MYO16: variants seen among roughly 807,000 people sequenced by gnomAD.
The protein encoded by MYO16 is myosin XVI.
MYO16 carries 94 observed loss-of-function variants against 205.3 expected under a neutral mutation model. That is an observed-to-expected ratio of 0.46 (90% CI 0.39 to 0.54). MYO16 has a LOEUF of 0.54. MYO16 is among the 20% of genes least tolerant of loss of function. The pLI is 0.00. For synonymous variants in MYO16, 988 were observed against 954.0 expected (o/e 1.04, Z -0.66); for missense variants, 2,315 against 2,387.5 (o/e 0.97, Z 0.63).
intron 15 of MYO16, 47 bp downstream of exon 15, chr13:108,898,180 T>C (rs1294108214): frequency 7.0e-7 from 1 of 1,434,768 alleles, no homozygotes. Flanking sequence ...CGAGCCAGCA[T>C]GCGACCACGT....
intron 27 of MYO16, among the ~76,000 whole-genome samples, chr13:109,091,829 C>A (rs535507805): frequency 9.2e-5 from 14 of 152,266 alleles, no homozygotes; most frequent in African/African-American, 2.6e-4. Context: ...TAATGGTTCT[C>A]CCCAAATATT....
At position 109,140,412 on chromosome 13, in the gene MYO16, C is replaced by T. The variant is rs765699567; in HGVS notation, c.4200C>T (p.Gly1400=). ...GGCCCGGGGACGCGAGGCCCGCGGG[C>T]GCCCCGGGGGCAGCAGCGCGCGTTC... ...GSRPGDARPA[G]APGAAARVLT... is the part of the protein sequence containing the mutation. The change falls in exon 32 of 35, where the codon GGC becomes GGT. Residue 1400 remains glycine, a synonymous_variant. Coordinates refer to ENST00000457511, the MANE Select transcript of MYO16 (RefSeq NM_001198950.3). This position sits in a 1 kb window ranked among gnomAD's most constrained non-coding sequence, Gnocchi z 8.0. The T allele has an allele frequency of 6.3e-7, 1 of 1,580,058 alleles. No individual in the cohort carries two copies. Among genetic ancestry groups the T allele is most frequent in the South Asian group, 1.1e-5 (1 of 89,640 alleles).
rs1434134536 is a variant in MYO16 at position 109,140,951 on chromosome 13, T to C, written c.4739T>C (p.Leu1580Pro). 13 of 1,526,424 alleles carry C rather than the reference T, an allele frequency of 8.5e-6. No homozygotes were observed. The highest frequency in any genetic ancestry group is 1.1e-5 in the Non-Finnish European group (13 of 1,138,492). The allele number at this position is 1,526,424 out of a possible 1,614,324, so 94.6% of individuals were successfully genotyped here. ...GGCGACAGGCCCGCGTCCCCCGGCC[T>C]GGCGCTGTTCAACGGGTCCGGCCGA... is the stretch of plus-strand genomic sequence containing the variant. ...GDGDRPASPG[L>P]ALFNGSGRAS... Residue 1580 changes from leucine (L) to proline (P), a missense_variant, in exon 32 of 35, where the codon CTG becomes CCG. Around this residue, in one of 3 missense-constraint regions of MYO16, gnomAD observed 1,097 missense variants for 1,092.0 expected, o/e 1.00. Coordinates refer to ENST00000457511, the MANE Select transcript of MYO16 (RefSeq NM_001198950.3). This position sits in a 1 kb window ranked among gnomAD's most constrained non-coding sequence, Gnocchi z 8.0.
chr13:108,808,532 C>T lies in MYO16; in HGVS notation c.867+1728C>T, dbSNP rs535838786. The stretch of plus-strand genomic sequence containing the variant: ...TTCGCTATGTTGCCCAGGCTGGTCT[C>T]GAACTCCTGACCTCAGGTGATCCAC... On this transcript the variant is annotated intron_variant, in intron 7 of 34. Coordinates refer to ENST00000457511, the MANE Select transcript of MYO16 (RefSeq NM_001198950.3). Among the ~76,000 whole-genome samples, 33 of 151,982 alleles carry T rather than the reference C, an allele frequency of 2.2e-4. 2 individuals are homozygous for T. In the South Asian group the frequency reaches 6.7e-3, roughly 31 times the overall value.
intron 21 of MYO16, among the ~76,000 whole-genome samples, chr13:109,004,372 G>A (rs1247599165): frequency 2.0e-5 from 3 of 151,962 alleles, no homozygotes; most frequent in Non-Finnish European, 4.4e-5. Flanking sequence ...TTTAATAATT[G>A]TATAGCATTT....
chr13:109,114,949 T>C (rs1336571379), intron 28 of MYO16, among the ~76,000 whole-genome samples: 1 of 152,170 alleles, frequency 6.6e-6, no homozygotes, highest in Non-Finnish European at 1.5e-5. Context: ...TTTTCTAAAC[T>C]ACCAATATGT....
rs751330823 is a variant in MYO16 at position 109,055,564 on chromosome 13, G to A, written c.3304G>A (p.Val1102Ile). The A allele has an allele frequency of 6.2e-7, 1 of 1,612,194 alleles. No individual in the cohort carries two copies. The highest frequency in any genetic ancestry group is 1.7e-5 in the Admixed American group (1 of 59,908). The change falls in exon 27 of 35, where the codon GTT becomes ATT. Residue 1102 changes from valine (V) to isoleucine (I), a missense_variant. By Grantham distance (29) the Val-to-Ile change is conservative. Transcript: ENST00000457511. This position sits in a 1 kb window ranked among gnomAD's most constrained non-coding sequence, Gnocchi z 5.0. ...GAAGATCTTCCGATATGGATACCCT[G>A]TTCGCCTTTCCTTCTCGGATTTCCT... The part of the protein sequence containing the change: ...MVKIFRYGYP[V>I]RLSFSDFLSR...
chr13:108,713,399 A>G (rs894366958), intron 3 of MYO16, among the ~76,000 whole-genome samples: 8 of 152,232 alleles, frequency 5.3e-5, no homozygotes, highest in Non-Finnish European at 8.8e-5. Flanking sequence ...AAGTAATGCT[A>G]TATTTCTTCA....
chr13:109,053,088 T>C (rs1887299915), intron 25 of MYO16, among the ~76,000 whole-genome samples: 1 of 152,122 alleles, frequency 6.6e-6, no homozygotes. Context: ...ATGGAATGTT[T>C]TAGGTTTCTT....
At chr13:108,958,334 G>T (rs1039082913) in intron 17 of MYO16, among the ~76,000 whole-genome samples, 2 of 151,122 alleles carry the variant, frequency 1.3e-5, no homozygotes, top group African/African-American at 4.8e-5. Flanking sequence ...TGGTAAACCT[G>T]AAGTAACTGT....
intron 31 of MYO16, among the ~76,000 whole-genome samples, chr13:109,136,786 C>T (rs1594115494): frequency 1.3e-5 from 2 of 152,300 alleles, no homozygotes; most frequent in East Asian, 3.9e-4. Flanking sequence ...TTCAAAGCTC[C>T]TCCCATGTCC....
At chr13:108,651,887 C>G (rs1881021474) in intron 1 of MYO16, among the ~76,000 whole-genome samples, 2 of 152,098 alleles carry the variant, frequency 1.3e-5, no homozygotes, top group South Asian at 4.1e-4. Flanking sequence ...GGATATAGAC[C>G]TGCAGCTTGA....
intron 9 of MYO16, among the ~76,000 whole-genome samples, chr13:108,836,877 C>T (rs1260204989): frequency 1.3e-5 from 2 of 152,146 alleles, no homozygotes; most frequent in African/African-American, 4.8e-5. Context: ...AATTTACAGG[C>T]TCATAGATGG....
At chr13:109,012,055 G>A (rs1487773515) in intron 22 of MYO16, among the ~76,000 whole-genome samples, 1 of 152,078 alleles carries the variant, frequency 6.6e-6, no homozygotes, top group African/African-American at 2.4e-5. Flanking sequence ...CAGTGAGAAC[G>A]ATTAAGATAT....
chr13:108,510,561 G>A, the MYO16 span, among the ~76,000 whole-genome samples: 12 of 85,466 alleles, frequency 1.4e-4, no homozygotes, highest in Admixed American at 5.5e-4. Context: ...CCATGCTGGT[G>A]CACTGCACCC....
chr13:109,206,935 A>G lies in MYO16; in HGVS notation c.*99A>G. On this transcript the variant is annotated 3_prime_UTR_variant, in exon 35 of 35. Transcript: ENST00000457511. ...CTGACATGCGCTGGGGCTTCTCTCC[A>G]CGCATTTAGACAAAAAAAGCACAGG... 1 of 990,706 alleles carries G rather than the reference A, an allele frequency of 1.0e-6. No homozygotes were observed. Among genetic ancestry groups the G allele is most frequent in the Non-Finnish European group, 1.5e-6 (1 of 668,082 alleles). 61.4% of individuals were successfully genotyped at this position (990,706 alleles called of 1,614,324 possible). A position where few individuals can be genotyped will look rare whatever the true frequency, so the allele number is the denominator to read the frequency against.
chr13:108,506,843 T>A, the MYO16 span, among the ~76,000 whole-genome samples: 1 of 152,152 alleles, frequency 6.6e-6, no homozygotes, highest in East Asian at 1.9e-4. Context: ...ATATGACCTT[T>A]ATTATGTTGA....
intron 14 of MYO16, among the ~76,000 whole-genome samples, chr13:108,893,681 C>G (rs1402047463): frequency 6.6e-6 from 1 of 152,028 alleles, no homozygotes; most frequent in Non-Finnish European, 1.5e-5. Flanking sequence ...ATTAGAGACA[C>G]GGTTTAGCCA....
chr13:108,685,918 A>G (rs561857761), intron 2 of MYO16, among the ~76,000 whole-genome samples: 15 of 152,228 alleles, frequency 9.9e-5, no homozygotes, highest in African/African-American at 3.4e-4. Flanking sequence ...ATTAGAGCCC[A>G]CCCTAATGAC....
Sources: gnomAD v4.1 joint callset for allele counts (sites outside exome capture counted in the v4.1 genomes callset) on GRCh38, gnomAD v4.1.1 for gene constraint, gnomAD v4.1.1 regional missense constraint, Gnocchi (gnomAD v3.1) non-coding constraint, MANE v1.5 for transcripts, NCBI Gene and HGNC (gene_info 2026-07-23, HGNC 2026-07-21) for gene names.